ERG: variants seen among roughly 807,000 people sequenced by gnomAD.
ERG encodes ETS transcription factor ERG.
In ERG, 9 loss-of-function variants were observed where a neutral mutation model predicts 55.3. That is an observed-to-expected ratio of 0.16 (90% CI 0.10 to 0.28). The LOEUF (loss-of-function observed/expected upper bound fraction) is 0.28. Ranked by LOEUF, ERG falls within the 10% of genes least tolerant of loss-of-function variation. The probability of loss-of-function intolerance (pLI) is 1.00; values close to 1 mark genes in which losing one functional copy is unlikely to be tolerated. For synonymous variants in ERG, 223 were observed against 237.3 expected (o/e 0.94, Z 0.55); for missense variants, 434 against 631.6 (o/e 0.69, Z 3.35).
intron 7 of ERG, among the ~76,000 whole-genome samples, chr21:38,392,117 C>G (rs1339040105): frequency 1.3e-5 from 2 of 152,190 alleles, no homozygotes; most frequent in African/African-American, 4.8e-5. Flanking sequence ...AATGTGTACT[C>G]AAACATCCCA....
At chr21:38,610,497 G>C (rs537141747) in intron 1 of ERG, among the ~76,000 whole-genome samples, 1 of 151,934 alleles carries the variant, frequency 6.6e-6, no homozygotes, top group South Asian at 2.1e-4. Context: ...TAGTAAACCT[G>C]ATACTAGTAG....
intron 2 of ERG, among the ~76,000 whole-genome samples, chr21:38,539,787 C>T (rs963924839): frequency 6.6e-5 from 10 of 151,978 alleles, no homozygotes; most frequent in Admixed American, 3.3e-4. Flanking sequence ...CAGCACAGCA[C>T]GTATACCCAT....
intron 3 of ERG, among the ~76,000 whole-genome samples, chr21:38,412,623 T>G (rs1418537694): frequency 6.6e-6 from 1 of 152,226 alleles, no homozygotes; most frequent in African/African-American, 2.4e-5. Context: ...AAATTAAATC[T>G]TTTGTTATTA....
At chr21:38,629,975 CATT>C (rs1336512781) in intron 1 of ERG, among the ~76,000 whole-genome samples, 1 of 152,138 alleles carries the variant, frequency 6.6e-6, no homozygotes, top group Non-Finnish European at 1.5e-5. Context: ...CCCTTGAAAA[CATT>C]ATGCAAAGTG....
chr21:38,531,762 G>T (rs183599176), intron 2 of ERG, among the ~76,000 whole-genome samples: 1 of 152,274 alleles, frequency 6.6e-6, no homozygotes, highest in East Asian at 1.9e-4. Context: ...TGGGAAAAAT[G>T]TCCGCAGCAT....
Position 38,604,096 on chromosome 21 carries a change from A to T in ERG, c.-149-19151T>A, listed in dbSNP as rs916822942. Among the ~76,000 whole-genome samples, 12 of 152,004 alleles carry T rather than the reference A, an allele frequency of 7.9e-5. No individual in the cohort carries two copies. The South Asian group carries it at 1.3e-3, about 16-fold the overall frequency. On this transcript the variant is annotated intron_variant, in intron 1 of 10. Coordinates refer to the ERG transcript ENST00000398910. ...ACCCCGTCTCTACTAAAAATAAAAA[A>T]AAAAAAATTAGCTGGGCATGGTAGC...
intron 1 of ERG, among the ~76,000 whole-genome samples, chr21:38,649,160 A>G (rs1025254934): frequency 6.6e-6 from 1 of 152,160 alleles, no homozygotes; most frequent in African/African-American, 2.4e-5. Context: ...CATTTCAGCC[A>G]TTTCGCACCC....
the ERG span, among the ~76,000 whole-genome samples, chr21:38,372,416 A>T: frequency 6.6e-6 from 1 of 151,818 alleles, no homozygotes; most frequent in African/African-American, 2.4e-5. Context: ...CCAACTTTTT[A>T]AAATGGATGC....
intron 2 of ERG, among the ~76,000 whole-genome samples, chr21:38,513,796 C>A (rs989986404): frequency 5.3e-5 from 8 of 151,824 alleles, no homozygotes; most frequent in Non-Finnish European, 4.4e-5. Context: ...CAAATGAGAA[C>A]AAAATTGAGA....
intron 1 of ERG, among the ~76,000 whole-genome samples, chr21:38,583,189 C>A (rs532914717): frequency 1.3e-5 from 2 of 152,346 alleles, no homozygotes; most frequent in East Asian, 3.9e-4. Context: ...CACCAGCAAA[C>A]CCTGCCATAA....
chr21:38,519,224 A>G (rs1386380477), intron 2 of ERG, among the ~76,000 whole-genome samples: 2 of 152,350 alleles, frequency 1.3e-5, no homozygotes, highest in African/African-American at 4.8e-5. Flanking sequence ...TAAGAGGCAT[A>G]TAGCATATTC....
intron 2 of ERG, among the ~76,000 whole-genome samples, chr21:38,533,190 T>C (rs2015810342): frequency 6.6e-6 from 1 of 152,178 alleles, no homozygotes; most frequent in African/African-American, 2.4e-5. Flanking sequence ...TGAACTCAGG[T>C]CAACACACAG....
chr21:38,563,389 G>C (rs546415729), intron 2 of ERG, among the ~76,000 whole-genome samples: 3 of 152,246 alleles, frequency 2.0e-5, no homozygotes, highest in Non-Finnish European at 4.4e-5. Context: ...AGCTATGTAT[G>C]TATAGGGGCA....
At chr21:38,440,673 T>C (rs1289698798) in intron 2 of ERG, among the ~76,000 whole-genome samples, 1 of 149,820 alleles carries the variant, frequency 6.7e-6, no homozygotes, top group Non-Finnish European at 1.5e-5. Flanking sequence ...ATATGAAAAC[T>C]AGCCACTCGG....
chr21:38,402,734 A>T (rs1988564942), intron 4 of ERG, 97 bp from the exon 5 acceptor site: 1 of 805,782 alleles, frequency 1.2e-6, no homozygotes, highest in African/African-American at 1.8e-5. Flanking sequence ...AAAAAAAAGA[A>T]AGAAAAAGAA....
chr21:38,442,939 C>A (rs1452181979), intron 2 of ERG, among the ~76,000 whole-genome samples: 1 of 152,124 alleles, frequency 6.6e-6, no homozygotes, highest in Non-Finnish European at 1.5e-5. Flanking sequence ...TCCCGAGTAG[C>A]TGGGACTACA....
chr21:38,511,976 C>T (rs571068783), intron 2 of ERG, among the ~76,000 whole-genome samples: 15 of 152,312 alleles, frequency 9.8e-5, no homozygotes, highest in East Asian at 9.6e-4. Flanking sequence ...CAGAGCAATT[C>T]GGTTTTATCA....
intron 1 of ERG, among the ~76,000 whole-genome samples, chr21:38,594,256 C>T (rs1440153305): frequency 6.6e-6 from 1 of 152,012 alleles, no homozygotes; most frequent in South Asian, 2.1e-4. Flanking sequence ...GTACTGGACA[C>T]AATTGGGAAA....
At chr21:38,630,969 A>G (rs1304351540) in intron 1 of ERG, among the ~76,000 whole-genome samples, 1 of 152,192 alleles carries the variant, frequency 6.6e-6, no homozygotes, top group East Asian at 1.9e-4. Context: ...AATGAAGATA[A>G]AGGGTCACTT....
Sources: allele counts gnomAD v4.1 joint callset (sites outside exome capture counted in the v4.1 genomes callset), GRCh38; gene constraint gnomAD v4.1.1; transcripts MANE v1.5; gene names NCBI Gene and HGNC (gene_info 2026-07-23, HGNC 2026-07-21).